Variants in CPM observed in about 807,000 individuals in gnomAD.
The protein encoded by CPM is renal carboxypeptidase.
A neutral mutation model predicts 46.4 loss-of-function variants in CPM; 35 were observed. The ratio of observed to expected loss-of-function variants is 0.75; its 90% CI spans 0.58 to 1.00. The LOEUF (loss-of-function observed/expected upper bound fraction) is 1.00, where lower values mean the gene tolerates loss of function less well. CPM is among the 50% of genes least tolerant of loss of function. The pLI, the probability that CPM is intolerant of heterozygous loss-of-function variation, is 0.00. For synonymous variants in CPM, 195 were observed against 195.3 expected (o/e 1.00, Z 0.01); for missense variants, 422 against 530.4 (o/e 0.80, Z 2.01).
chr12:68,956,348 G>A (rs960604116), intron 1 of CPM, among the ~76,000 whole-genome samples: 3 of 152,174 alleles, frequency 2.0e-5, no homozygotes, highest in Non-Finnish European at 4.4e-5. Context: ...AGCCAGGGCT[G>A]GGCAGCTGCA....
intron 1 of CPM, among the ~76,000 whole-genome samples, chr12:68,955,681 G>A (rs571412105): frequency 1.3e-5 from 2 of 152,258 alleles, no homozygotes; most frequent in East Asian, 3.9e-4. Flanking sequence ...GGCCCAAAGT[G>A]GGTAGCTCCT....
intron 7 of CPM, among the ~76,000 whole-genome samples, chr12:68,865,438 G>A (rs1382546322): frequency 3.3e-5 from 5 of 152,198 alleles, no homozygotes; most frequent in Admixed American, 6.5e-5. Context: ...GATGTGTGCC[G>A]AGGAAGGGTC....
Position 68,856,535 on chromosome 12 carries a change from T to A in CPM, c.1234A>T (p.Met412Leu). ...SIPVSNPSCP[M>L]IPLYRNLPDH... Reference sequence around the variant, plus strand: ...GGCAAATTTCTGTATAGAGGAATCATTGGGCATGAAGGATTTGATACTGGG... The same window carrying A: ...GGCAAATTTCTGTATAGAGGAATCAATGGGCATGAAGGATTTGATACTGGG... Residue 412 changes from methionine (M) to leucine (L), a missense_variant, in exon 9 of 9, where the codon ATG becomes TTG. Met to Leu is a conservative substitution (Grantham distance 15, BLOSUM62 2). Coordinates refer to ENST00000551568, the MANE Select transcript of CPM (RefSeq NM_198320.5). 1 of 1,614,256 alleles carries A rather than the reference T, an allele frequency of 6.2e-7. No individual in the cohort carries two copies. Among genetic ancestry groups the A allele is most frequent in the African/African-American group, 1.3e-5 (1 of 75,072 alleles).
At chr12:68,858,584 T>A (rs1290421375) in intron 8 of CPM, among the ~76,000 whole-genome samples, 1 of 152,142 alleles carries the variant, frequency 6.6e-6, no homozygotes, top group African/African-American at 2.4e-5. Flanking sequence ...TTGTGTCGTA[T>A]CCTGGGAAAC....
chr12:68,920,720 A>C, intron 2 of CPM, among the ~76,000 whole-genome samples: 1 of 133,588 alleles, frequency 7.5e-6, no homozygotes, highest in Non-Finnish European at 1.5e-5. Flanking sequence ...TTAGACAGAG[A>C]CTCACTGTGG....
chr12:68,889,406 G>A (rs1190307138), intron 2 of CPM, among the ~76,000 whole-genome samples: 3 of 151,964 alleles, frequency 2.0e-5, no homozygotes, highest in East Asian at 3.8e-4. Flanking sequence ...CTAAAATTAC[G>A]TACAGAATTT....
At chr12:68,885,037 G>T (rs529109737) in intron 3 of CPM, among the ~76,000 whole-genome samples, 27 of 152,234 alleles carry the variant, frequency 1.8e-4, no homozygotes, top group Admixed American at 1.6e-3. Context: ...TCCACCTCCT[G>T]GGTTCAAGCA....
rs763173171 is a variant in CPM, at chr12:68,869,282, G to A, written c.787+43C>T. 357 of 1,584,798 alleles carry A rather than the reference G, an allele frequency of 2.3e-4. 2 individuals are homozygous for A. Among genetic ancestry groups the A allele is most frequent in the Non-Finnish European group, 3.0e-4 (353 of 1,164,708 alleles). ...AAAATAAACCAGCTGGCACTTCTGG[G>A]TGAAGGCAATAAGGAGAATGGAAGA... is the stretch of plus-strand genomic sequence containing the variant. On this transcript the variant is annotated intron_variant, in intron 6 of 8. Transcript: ENST00000551568.
At chr12:68,887,335 T>C (rs1003248009) in intron 2 of CPM, among the ~76,000 whole-genome samples, 1 of 152,216 alleles carries the variant, frequency 6.6e-6, no homozygotes, top group Non-Finnish European at 1.5e-5. Context: ...TGGGCAAATG[T>C]TGAGCAGGTT....
At chr12:68,936,475 C>T (rs191088478), upstream of CPM, among the ~76,000 whole-genome samples, 669 of 152,212 alleles carry the variant, frequency 4.4e-3, 1 homozygote, top group African/African-American at 0.015. Flanking sequence ...CCTCCACCTC[C>T]CGGGTTCAAG....
chr12:68,926,812 T>C (rs1033179696), intron 2 of CPM, among the ~76,000 whole-genome samples: 4 of 151,616 alleles, frequency 2.6e-5, no homozygotes, highest in African/African-American at 9.7e-5. Context: ...GAATATGTGG[T>C]GTTTGGTTTT....
intron 2 of CPM, among the ~76,000 whole-genome samples, chr12:68,915,050 TTG>T (rs1318113136): frequency 1.3e-5 from 2 of 152,170 alleles, no homozygotes; most frequent in African/African-American, 4.8e-5. Flanking sequence ...CCTCTTTTTA[TTG>T]TGTTTTTTTC....
rs147739181 is a variant in CPM, at chr12:68,862,212, G to T, written c.941-3141C>A. Among the ~76,000 whole-genome samples, 67 of 139,414 alleles carry T rather than the reference G, an allele frequency of 4.8e-4. 13 individuals carry two copies. Among genetic ancestry groups the T allele is most frequent in the Non-Finnish European group, 8.3e-4 (53 of 63,978 alleles). 91.5% of individuals were successfully genotyped at this position (139,414 alleles called of 152,430 possible). On this transcript the variant is annotated intron_variant, in intron 7 of 8. Transcript: ENST00000551568. ...TCATATTCCAGTTTGACCCTCATTC[G>T]TCATCCCCTAATAACCCAAAGATTC...
chr12:68,844,344 G>T (rs763075161), intron 5 of CPM: 44 of 224,036 alleles, frequency 2.0e-4, no homozygotes, highest in Non-Finnish European at 3.6e-4. Flanking sequence ...TCACTGGGCA[G>T]CTTGAAGCAG....
chr12:68,844,534 A>C (rs368225218), intron 5 of CPM: 1 of 228,570 alleles, frequency 4.4e-6, no homozygotes, highest in African/African-American at 2.2e-5. Flanking sequence ...CCACCGTACC[A>C]CTTGTCAGCG....
At chr12:68,884,801 G>A (rs757550716) in intron 3 of CPM, among the ~76,000 whole-genome samples, 14 of 152,156 alleles carry the variant, frequency 9.2e-5, no homozygotes, top group Non-Finnish European at 1.8e-4. Flanking sequence ...GAGAAACAGA[G>A]GTGAACATCT....
downstream of CPM, chr12:68,846,780 G>A (rs1200049675): frequency 6.6e-6 from 1 of 152,104 alleles, no homozygotes. Flanking sequence ...GCTTATTGTA[G>A]TGGGAAGTTC....
intron 2 of CPM, among the ~76,000 whole-genome samples, chr12:68,921,371 G>C (rs1442472839): frequency 1.3e-5 from 2 of 152,006 alleles, no homozygotes; most frequent in African/African-American, 4.8e-5. Flanking sequence ...TGCACTCCTG[G>C]CCTCAAGTGA....
intron 6 of CPM, among the ~76,000 whole-genome samples, chr12:68,867,279 G>A (rs1055086577): frequency 1.3e-5 from 2 of 152,158 alleles, no homozygotes; most frequent in African/African-American, 4.8e-5. Context: ...GTTCAACTGT[G>A]CATCAAAATT....
Sources: allele counts gnomAD v4.1 joint callset (sites outside exome capture counted in the v4.1 genomes callset), GRCh38; gene constraint gnomAD v4.1.1; transcripts MANE v1.5; gene names NCBI Gene and HGNC (gene_info 2026-07-23, HGNC 2026-07-21).